The following FUBP3 variants were observed in gnomAD, a reference collection of about 807,000 sequenced individuals.
The protein encoded by FUBP3 is far upstream element binding protein 3.
In FUBP3, 28 loss-of-function variants were observed where a neutral mutation model predicts 85.6. The ratio of observed to expected loss-of-function variants is 0.33; its 90% CI spans 0.24 to 0.45. The LOEUF is 0.45. Ranked by LOEUF, FUBP3 falls within the 20% of genes least tolerant of loss-of-function variation. The probability of loss-of-function intolerance (pLI) is 1.00; values close to 1 mark genes in which losing one functional copy is unlikely to be tolerated. For missense variants in FUBP3, 583 were observed against 755.1 expected, an observed-to-expected ratio of 0.77 and a Z score of 2.67; for synonymous variants, 271 against 271.4, an observed-to-expected ratio of 1.00 and a Z score of 0.01.
At chr9:130,590,323 C>G (rs746841801) in intron 1 of FUBP3, among the ~76,000 whole-genome samples, 1 of 152,152 alleles carries the variant, frequency 6.6e-6, no homozygotes, top group Admixed American at 6.5e-5. Flanking sequence ...AGGTCACATG[C>G]GGGAAGAACT....
At chr9:130,595,390 G>A (rs1830820853) in intron 1 of FUBP3, 93 bp from the exon 2 acceptor site, 1 of 748,834 alleles carries the variant, frequency 1.3e-6, no homozygotes, top group East Asian at 2.5e-5. Flanking sequence ...GGGGAGAAAT[G>A]GGATAATAGC....
chr9:130,585,316 T>G (rs1274636337), intron 1 of FUBP3, among the ~76,000 whole-genome samples: 1 of 152,236 alleles, frequency 6.6e-6, no homozygotes, highest in African/African-American at 2.4e-5. Flanking sequence ...GCCATCTTGC[T>G]ATTGTTTTAT....
chr9:130,603,686 C>T (rs540575353), intron 2 of FUBP3, among the ~76,000 whole-genome samples: 1 of 152,274 alleles, frequency 6.6e-6, no homozygotes, highest in East Asian at 1.9e-4. Flanking sequence ...CCTGCAGCAT[C>T]AATGTTGTGA....
Position 130,637,118 on chromosome 9 carries a change from G to A in FUBP3, c.*96G>A, listed in dbSNP as rs947974637. On this transcript the variant is annotated 3_prime_UTR_variant, in exon 19 of 19. Coordinates refer to ENST00000319725, the MANE Select transcript of FUBP3 (RefSeq NM_003934.2). ...TTACATTTGCAAACCTTTTGATGAAGAACTGTTGTTTTGTTCTGTGAAACA... is the reference window on the plus strand; with the variant it reads ...TTACATTTGCAAACCTTTTGATGAAAAACTGTTGTTTTGTTCTGTGAAACA... The A allele has an allele frequency of 3.0e-6, 3 of 998,016 alleles. No homozygotes were observed. Among genetic ancestry groups the A allele is most frequent in the South Asian group, 1.3e-5 (1 of 78,130 alleles). 61.8% of individuals were successfully genotyped at this position (998,016 alleles called of 1,614,324 possible). A position where few individuals can be genotyped will look rare whatever the true frequency, so the allele number is the denominator to read the frequency against.
Position 130,579,626 on chromosome 9 carries a change from C to G in FUBP3, c.-55C>G. ...CGGAGCGGGAGGCCGGACCGGGGAG[C>G]CGAGCGGCGGCGTCGGCGGCGTCGG... is the stretch of plus-strand genomic sequence containing the variant. On this transcript the variant is annotated 5_prime_UTR_variant, in exon 1 of 19. Transcript: ENST00000319725. 1.8e-6 allele frequency: 2 copies of G among 1,105,736 alleles called. 1 individual carries two copies. Among genetic ancestry groups the G allele is most frequent in the Middle Eastern group, 6.8e-4 (2 of 2,962 alleles). The allele number at this position is 1,105,736 out of a possible 1,614,324, so 68.5% of individuals were successfully genotyped here.
intron 3 of FUBP3, among the ~76,000 whole-genome samples, chr9:130,611,012 C>G (rs2119069068): frequency 6.6e-6 from 1 of 152,286 alleles, no homozygotes; most frequent in Non-Finnish European, 1.5e-5. Context: ...TTCAGCCTTG[C>G]ATTTAGATTA....
chr9:130,632,015 C>G lies in FUBP3; in HGVS notation c.1426C>G (p.Pro476Ala). The G allele has an allele frequency of 6.2e-7, 1 of 1,608,676 alleles. No individual in the cohort carries two copies. The highest frequency in any genetic ancestry group is 1.7e-4 in the Middle Eastern group (1 of 6,044). ...AKVNGNPHSTPVSGPPAFLTQ... is the reference protein window; with the variant it reads ...AKVNGNPHSTAVSGPPAFLTQ... ...GGTGAATGGGAACCCCCACAGCACC[C>G]CTGTGAGGTAGGTGACCTGCTGTGA... The change falls in exon 15 of 19, where the codon CCT becomes GCT. Residue 476 changes from proline to alanine, a missense_variant. By Grantham distance (27) the Pro-to-Ala change is conservative. Coordinates refer to ENST00000319725, the MANE Select transcript of FUBP3 (RefSeq NM_003934.2).
At chr9:130,591,249 C>T (rs1318454491) in intron 1 of FUBP3, among the ~76,000 whole-genome samples, 1 of 151,966 alleles carries the variant, frequency 6.6e-6, no homozygotes, top group Admixed American at 6.6e-5. Context: ...TTGAGACCAG[C>T]CTGGCCAACA....
chr9:130,632,400 C>T (rs1830250251), intron 16 of FUBP3, 122 bp downstream of exon 16: 1 of 728,200 alleles, frequency 1.4e-6, no homozygotes, highest in Non-Finnish European at 2.3e-6. Flanking sequence ...CCCCAAATGA[C>T]AAGGAGCCCT....
rs10710760 is a variant in FUBP3, at chr9:130,594,869, C to CT, written c.85-596dup. Among the ~76,000 whole-genome samples the CT allele has an allele frequency of 9.5e-4, 123 of 129,280 alleles. 1 individual carries two copies. Among genetic ancestry groups the CT allele is most frequent in the Middle Eastern group, 4.0e-3 (1 of 250 alleles). 84.8% of individuals were successfully genotyped at this position (129,280 alleles called of 152,430 possible). A position where few individuals can be genotyped will look rare whatever the true frequency, so the allele number is the denominator to read the frequency against. ...AGAAAGTTCTTCAATTGTTGGCTTG[C>CT]TTTTTTTTTTTTTTTTTTCTTCTTA... On this transcript the variant is annotated intron_variant, in intron 1 of 18. Transcript: ENST00000319725.
intron 3 of FUBP3, among the ~76,000 whole-genome samples, chr9:130,611,345 G>A (rs984479363): frequency 6.6e-6 from 1 of 152,192 alleles, no homozygotes; most frequent in Non-Finnish European, 1.5e-5. Flanking sequence ...GCAGGGCTTG[G>A]CATTCACATC....
At chr9:130,625,068 G>A (rs1829915630) in intron 11 of FUBP3, among the ~76,000 whole-genome samples, 1 of 152,222 alleles carries the variant, frequency 6.6e-6, no homozygotes, top group Non-Finnish European at 1.5e-5. Context: ...AATTAGCCGG[G>A]CGTGGTGGCG....
Position 130,627,214 on chromosome 9 carries a change from G to A in FUBP3, c.1117+709G>A, listed in dbSNP as rs571037299. On this transcript the variant is annotated intron_variant, in intron 12 of 18. Transcript: ENST00000319725. ...CAGAAAGGCTACTGAGACCAGGGCC[G>A]AGGCTGTGGGGCCTTCCCAGTGTAG... Among the ~76,000 whole-genome samples the A allele has an allele frequency of 3.2e-4, 49 of 152,356 alleles. No individual in the cohort carries two copies. In the South Asian group the frequency reaches 7.2e-3, roughly 23 times the overall value.
chr9:130,595,200 TG>T (rs1421738663), intron 1 of FUBP3, among the ~76,000 whole-genome samples: 2 of 132,722 alleles, frequency 1.5e-5, no homozygotes, highest in Non-Finnish European at 3.1e-5. Context: ...CACTCCAGCC[TG>T]GGCAACAAGA....
chr9:130,593,188 C>A (rs1830710814), intron 1 of FUBP3, among the ~76,000 whole-genome samples: 1 of 152,220 alleles, frequency 6.6e-6, no homozygotes, highest in African/African-American at 2.4e-5. Context: ...TTTAAAGCAG[C>A]TTCCTAAGCA....
At chr9:130,611,912 C>T (rs147072324) in intron 3 of FUBP3, among the ~76,000 whole-genome samples, 107 of 152,208 alleles carry the variant, frequency 7.0e-4, no homozygotes, top group South Asian at 6.2e-4. Context: ...ACGCCTCCAT[C>T]GGATACTGGT....
At chr9:130,603,721 A>G (rs1564201089) in intron 2 of FUBP3, among the ~76,000 whole-genome samples, 1 of 152,252 alleles carries the variant, frequency 6.6e-6, no homozygotes, top group Non-Finnish European at 1.5e-5. Flanking sequence ...GAGCTCATGT[A>G]CAATGCCTGT....
At chr9:130,633,917 C>T (rs141465062) in intron 16 of FUBP3, among the ~76,000 whole-genome samples, 17 of 152,284 alleles carry the variant, frequency 1.1e-4, no homozygotes, top group African/African-American at 3.4e-4. Context: ...TTACAGGAGA[C>T]GAGACAGTGA....
intron 6 of FUBP3, among the ~76,000 whole-genome samples, chr9:130,614,850 C>T (rs1011161230): frequency 6.6e-5 from 10 of 152,144 alleles, no homozygotes; most frequent in African/African-American, 1.9e-4. Context: ...TGACTTTTGG[C>T]GCCCTTGCAA....
Sources: gnomAD v4.1 joint callset for allele counts (sites outside exome capture counted in the v4.1 genomes callset) on GRCh38, gnomAD v4.1.1 for gene constraint, MANE v1.5 for transcripts, NCBI Gene and HGNC (gene_info 2026-07-23, HGNC 2026-07-21) for gene names.